ZNF28: variants seen among roughly 807,000 people sequenced by gnomAD.
ZNF28 encodes the protein zinc finger protein 28.
A neutral mutation model predicts 7.2 loss-of-function variants in ZNF28; 5 were observed. That is an observed-to-expected ratio of 0.70 (90% confidence interval 0.36 to 1.46). The LOEUF (loss-of-function observed/expected upper bound fraction) is 1.46. Among genes scored for constraint, ZNF28 ranks in the 40% most tolerant of loss-of-function variants. The probability of loss-of-function intolerance (pLI) is 0.03; values close to 1 mark genes in which losing one functional copy is unlikely to be tolerated. For synonymous variants in ZNF28, 288 were observed against 292.4 expected, an observed-to-expected ratio of 0.99 and a Z score of 0.15; for missense variants, 879 against 866.6, an observed-to-expected ratio of 1.01 and a Z score of -0.18.
chr19:52,810,564 G>T, intron 2 of ZNF28: 1 of 1,593,296 alleles, frequency 6.3e-7, no homozygotes, highest in African/African-American at 1.3e-5. Flanking sequence ...ACAACAGACC[G>T]GGGTCTTCCA....
chr19:52,801,302 A>G lies in ZNF28; in HGVS notation c.543T>C (p.Cys181=), dbSNP rs1600423524. 2 of 1,614,148 alleles carry G rather than the reference A, an allele frequency of 1.2e-6. No homozygotes were observed. Among genetic ancestry groups the G allele is most frequent in the East Asian group, 4.5e-5 (2 of 44,872 alleles). ...TAGAAATATGGGTTTTGGGCCTACA[A>G]CAAATTCTTTGGGATGTTGAAACTG... ...ASSVSTSQRI[C]CRPKTHISNK... Residue 181 remains cysteine, a synonymous_variant, in exon 4 of 4, where the codon TGT becomes TGC. Transcript: ENST00000457749.
chr19:52,817,412 T>C (rs2147686408), intron 2 of ZNF28, among the ~76,000 whole-genome samples: 1 of 152,204 alleles, frequency 6.6e-6, no homozygotes, highest in East Asian at 1.9e-4. Context: ...TAATGTATTA[T>C]TCATCTATGT....
intron 3 of ZNF28, among the ~76,000 whole-genome samples, chr19:52,806,924 T>C (rs2062944046): frequency 6.6e-6 from 1 of 151,758 alleles, no homozygotes; most frequent in African/African-American, 2.4e-5. Context: ...AAAGAAAGAA[T>C]AGAAAGAAAG....
chr19:52,816,027 C>T (rs112147265), intron 2 of ZNF28, among the ~76,000 whole-genome samples: 3,152 of 146,542 alleles, frequency 0.022, 585 homozygotes, highest in African/African-American at 0.08. Context: ...TGCAGAAATA[C>T]ACGTGTACGA....
Position 52,811,877 on chromosome 19 carries a change from G to A in ZNF28, c.16-3744C>T, listed in dbSNP as rs1411979578. On this transcript the variant is annotated intron_variant, in intron 2 of 3. Coordinates refer to ENST00000457749, the MANE Select transcript of ZNF28 (RefSeq NM_006969.5). ...CTCTGCCCGGCCAGCCGCCCCGTCC[G>A]GGAGGGAGGTGGGGGGGACAGCCCC... Among the ~76,000 whole-genome samples the A allele has an allele frequency of 4.0e-3, 549 of 138,054 alleles. 6 individuals carry two copies. Among genetic ancestry groups the A allele is most frequent in the African/African-American group, 0.015 (516 of 34,854 alleles). 90.6% of individuals were successfully genotyped at this position (138,054 alleles called of 152,430 possible).
At chr19:52,809,578 C>T (rs7257781) in intron 2 of ZNF28, among the ~76,000 whole-genome samples, 74,008 of 151,980 alleles carry the variant, frequency 0.49, 20,992 homozygotes, top group Non-Finnish European at 0.66. Flanking sequence ...GAGGTCAAGG[C>T]GGGTGAATAA....
At position 52,799,986 on chromosome 19, in the gene ZNF28, G is replaced by C; in HGVS notation, c.1859C>G (p.Ser620Ter). The change falls in exon 4 of 4, where the codon TCA becomes TGA. Residue 620 changes from serine to a stop codon, truncating the protein, a stop_gained. Coordinates refer to ENST00000457749, the MANE Select transcript of ZNF28 (RefSeq NM_006969.5). LOFTEE classifies it low-confidence loss of function (END_TRUNC). ...AAGCCTACGATGGATTATAAGCGAT[G>C]ATGTCTGACGGAAGGTCTTGCCACA... ...NECGKTFRQT[S>*]SLIIHRRLHT... The C allele has an allele frequency of 3.1e-6, 5 of 1,612,930 alleles. No individual in the cohort carries two copies. The highest frequency in any genetic ancestry group is 4.2e-6 in the Non-Finnish European group (5 of 1,179,572).
intron 2 of ZNF28, chr19:52,810,216 G>T: frequency 1.8e-6 from 2 of 1,106,244 alleles, no homozygotes; most frequent in Admixed American, 3.4e-5. Context: ...GCTACAGAAC[G>T]ACGTAGAGAA....
Position 52,814,389 on chromosome 19 carries a change from A to C in ZNF28, c.15+3555T>G, listed in dbSNP as rs1239018532. The C allele has an allele frequency of 4.8e-5, 7 of 146,468 alleles. 1 individual carries two copies. In the Admixed American group the frequency reaches 4.8e-4, roughly 10 times the overall value. The allele number at this position is 146,468 out of a possible 1,614,324, so 9.1% of individuals were successfully genotyped here. ...GCGGATCACCTGAGGTCAGGAGTTC[A>C]AGACCAGCATGGCCAAAATGGTGAA... On this transcript the variant is annotated intron_variant, in intron 2 of 3. Transcript: ENST00000457749.
chr19:52,817,918 G>A (rs10404114), intron 2 of ZNF28, 26 bp downstream of exon 2: 1,105,428 of 1,609,008 alleles, frequency 0.69, 389,402 homozygotes, highest in Non-Finnish European at 0.73. Context: ...AGGAGACAGA[G>A]CAATCCACCG....
At chr19:52,804,999 T>C (rs1305408919) in intron 3 of ZNF28, 2 of 152,292 alleles carry the variant, frequency 1.3e-5, no homozygotes, top group African/African-American at 4.8e-5. Context: ...CCAGGTGCGG[T>C]GGCTCATGCC....
intron 2 of ZNF28, among the ~76,000 whole-genome samples, chr19:52,811,735 G>GC (rs1369464206): frequency 7.4e-5 from 11 of 148,404 alleles, no homozygotes; most frequent in East Asian, 6.2e-4. Flanking sequence ...TCTCCGCCCG[G>GC]CAGCCGCCCC....
intron 1 of ZNF28, among the ~76,000 whole-genome samples, chr19:52,820,196 C>A (rs970868634): frequency 1.7e-5 from 2 of 116,068 alleles, no homozygotes; most frequent in African/African-American, 3.7e-5. Flanking sequence ...CGGCTCACTG[C>A]AAGCTCTGCT....
chr19:52,810,767 A>AT (rs2063011192), intron 2 of ZNF28: 1 of 558,108 alleles, frequency 1.8e-6, no homozygotes, highest in African/African-American at 2.4e-5. Flanking sequence ...AAAAAAAAGA[A>AT]TAAAAAAAAA....
At chr19:52,807,938 G>A (rs1366373273) in intron 3 of ZNF28, 69 bp downstream of exon 3, 8 of 1,605,164 alleles carry the variant, frequency 5.0e-6, no homozygotes, top group Non-Finnish European at 6.0e-6. Flanking sequence ...GTAAGGATGT[G>A]GCTCCCAAGA....
In ZNF28 at chr19:52,799,327, A is replaced by C. The variant is rs2062832222; in HGVS notation, c.*361T>G. 2.1e-6 allele frequency: 1 copy of C among 479,982 alleles called. No homozygotes were observed. The highest frequency in any genetic ancestry group is 3.9e-6 in the Non-Finnish European group (1 of 259,418). 29.7% of individuals were successfully genotyped at this position (479,982 alleles called of 1,614,324 possible). A position where few individuals can be genotyped will look rare whatever the true frequency, so the allele number is the denominator to read the frequency against. ...TTTGCCAGGTATGAATTATATTCAA[A>C]AATCTTGTCATAAACCTTACATCTG... On this transcript the variant is annotated 3_prime_UTR_variant, in exon 4 of 4. Transcript: ENST00000457749.
At chr19:52,816,715 C>T (rs183622823) in intron 2 of ZNF28, among the ~76,000 whole-genome samples, 1 of 120,718 alleles carries the variant, frequency 8.3e-6, no homozygotes, top group Non-Finnish European at 1.6e-5. Flanking sequence ...ACCTATAATC[C>T]CAGCTACTAG....
chr19:52,813,032 T>C (rs1192135465), intron 2 of ZNF28, among the ~76,000 whole-genome samples: 1 of 151,468 alleles, frequency 6.6e-6, no homozygotes, highest in African/African-American at 2.4e-5. Context: ...AATTTATACA[T>C]TGTGAAAAGA....
rs1313001890 is a variant in ZNF28 at position 52,819,449 on chromosome 19, A to G, written c.-73-1418T>C. Among the ~76,000 whole-genome samples, 37 of 123,874 alleles carry G rather than the reference A, an allele frequency of 3.0e-4. 1 individual carries two copies. The highest frequency in any genetic ancestry group is 1.2e-3 in the Admixed American group (14 of 12,168). The allele number at this position is 123,874 out of a possible 152,430, so 81.3% of individuals were successfully genotyped here. ...GCATCCCACTGAAAATTCTAATTAC[A>G]ACTGGGCACTCCCCTCTACCAGAAA... On this transcript the variant is annotated intron_variant, in intron 1 of 3. Coordinates refer to ENST00000457749, the MANE Select transcript of ZNF28 (RefSeq NM_006969.5).
Sources: allele counts gnomAD v4.1 joint callset (sites outside exome capture counted in the v4.1 genomes callset), GRCh38; gene constraint gnomAD v4.1.1; transcripts MANE v1.5; gene names NCBI Gene and HGNC (gene_info 2026-07-23, HGNC 2026-07-21).